The following AGPAT4 variants were observed in gnomAD, a reference collection of about 807,000 sequenced individuals.
AGPAT4 encodes the protein 1-acylglycerol-3-phosphate O-acyltransferase 4.
In AGPAT4, 15 loss-of-function variants were observed where a neutral mutation model predicts 48.0. That is an observed-to-expected ratio of 0.31 (90% confidence interval 0.21 to 0.48). The LOEUF is 0.48. Among genes scored for constraint, AGPAT4 ranks in the 20% least tolerant of loss-of-function variants. The probability of loss-of-function intolerance (pLI) is 0.99; values close to 1 mark genes in which losing one functional copy is unlikely to be tolerated. For synonymous variants in AGPAT4, 178 were observed against 198.7 expected, an observed-to-expected ratio of 0.90 and a Z score of 0.88; for missense variants, 314 against 482.5, an observed-to-expected ratio of 0.65 and a Z score of 3.27.
chr6:161,240,219 TATAC>T lies in AGPAT4; in HGVS notation c.-89-7921_-89-7918del, dbSNP rs1297404960. Among the ~76,000 whole-genome samples, 24 of 121,866 alleles carry T rather than the reference TATAC, an allele frequency of 2.0e-4. No homozygotes were observed. The highest frequency in any genetic ancestry group is 2.8e-4 in the Non-Finnish European group (17 of 59,988). 79.9% of individuals were successfully genotyped at this position (121,866 alleles called of 152,430 possible). A position where few individuals can be genotyped will look rare whatever the true frequency, so the allele number is the denominator to read the frequency against. On this transcript the variant is annotated intron_variant, in intron 1 of 8. Transcript: ENST00000320285. This position sits in a 1 kb window ranked among gnomAD's most constrained non-coding sequence, Gnocchi z 5.5. ...AACACTAACAGCAGATATCTTTGTGTATACACACACACACACACACACACACACA... is the reference window on the plus strand; with the variant it reads ...AACACTAACAGCAGATATCTTTGTGTACACACACACACACACACACACACA...
rs112215483 is a variant in AGPAT4 at position 161,141,293 on chromosome 6, T to C, written c.844-1673A>G. Among the ~76,000 whole-genome samples the C allele has an allele frequency of 7.5e-3, 1,138 of 152,122 alleles. 17 individuals are homozygous for C. Among genetic ancestry groups the C allele is most frequent in the African/African-American group, 0.026 (1,077 of 41,504 alleles). On this transcript the variant is annotated intron_variant, in intron 7 of 8. Coordinates refer to ENST00000320285, the MANE Select transcript of AGPAT4 (RefSeq NM_020133.3). This position sits in a 1 kb window ranked among gnomAD's most constrained non-coding sequence, Gnocchi z 6.7. ...GTTGGACATCAGCCAAGAGAAGCCA[T>C]GGGGGCTCTCAGGGGAAGTCACATC...
At chr6:161,237,337 G>C (rs955414445) in intron 1 of AGPAT4, among the ~76,000 whole-genome samples, 1 of 152,250 alleles carries the variant, frequency 6.6e-6, no homozygotes, top group Non-Finnish European at 1.5e-5. Flanking sequence ...CTATGAGTCT[G>C]TGTGAAAGGA....
At chr6:161,136,803 T>C (rs568399703) in intron 8 of AGPAT4, among the ~76,000 whole-genome samples, 169 bp from the exon 9 acceptor site, 1 of 152,222 alleles carries the variant, frequency 6.6e-6, no homozygotes, top group African/African-American at 2.4e-5. Context: ...CATCCTTGAG[T>C]GTGGACATCC....
chr6:161,223,067 C>G lies in AGPAT4; in HGVS notation c.178+8969G>C, dbSNP rs78974705. Among the ~76,000 whole-genome samples the G allele has an allele frequency of 8.5e-5, 13 of 152,282 alleles. No homozygotes were observed. The East Asian group carries it at 2.3e-3, about 27-fold the overall frequency. On this transcript the variant is annotated intron_variant, in intron 2 of 8. Transcript: ENST00000320285. The surrounding 1 kb of genome is among the most constrained non-coding windows in gnomAD (Gnocchi z 6.3). ...CTGCACAGGATGGCTGGGCTGTCCCCTTCCCTGCACTCCCTGTGTACCTCC... is the reference window on the plus strand; with the variant it reads ...CTGCACAGGATGGCTGGGCTGTCCCGTTCCCTGCACTCCCTGTGTACCTCC...
At chr6:161,248,311 A>G (rs1582907744) in intron 1 of AGPAT4, among the ~76,000 whole-genome samples, 1 of 152,280 alleles carries the variant, frequency 6.6e-6, no homozygotes, top group Non-Finnish European at 1.5e-5. Context: ...GCGGTGGCTC[A>G]CGCCTGTAAT....
rs539852273 is a variant in AGPAT4, at chr6:161,161,136, A to G, written c.348+5112T>C. On this transcript the variant is annotated intron_variant, in intron 3 of 8. Transcript: ENST00000320285. This position sits in a 1 kb window ranked among gnomAD's most constrained non-coding sequence, Gnocchi z 4.6. ...AGGAGGAAGCCCCAAGCTTTCAACA[A>G]CCCTGGCTTTATGAGCGGTGGGATC... The G allele has an allele frequency of 2.2e-6, 1 of 456,652 alleles. No individual in the cohort carries two copies. Among genetic ancestry groups the G allele is most frequent in the East Asian group, 7.0e-5 (1 of 14,378 alleles). 28.3% of individuals were successfully genotyped at this position (456,652 alleles called of 1,614,324 possible).
chr6:161,225,594 G>A lies in AGPAT4; in HGVS notation c.178+6442C>T, dbSNP rs753775556. Among the ~76,000 whole-genome samples, 13 of 152,146 alleles carry A rather than the reference G, an allele frequency of 8.5e-5. No individual in the cohort carries two copies. The highest frequency in any genetic ancestry group is 2.1e-4 in the South Asian group (1 of 4,818). ...AAGAAAAGAAGGAAGGTTGCTTTTC[G>A]TCAGTTTCTGGAAGCAACCCCGCTA... On this transcript the variant is annotated intron_variant, in intron 2 of 8. Transcript: ENST00000320285. This position sits in a 1 kb window ranked among gnomAD's most constrained non-coding sequence, Gnocchi z 5.0.
chr6:161,245,448 G>C lies in AGPAT4; in HGVS notation c.-89-13146C>G, dbSNP rs921024925. Among the ~76,000 whole-genome samples the C allele has an allele frequency of 6.6e-6, 1 of 152,190 alleles. No individual in the cohort carries two copies. Among genetic ancestry groups the C allele is most frequent in the Non-Finnish European group, 1.5e-5 (1 of 68,032 alleles). On this transcript the variant is annotated intron_variant, in intron 1 of 8. Transcript: ENST00000320285. This position sits in a 1 kb window ranked among gnomAD's most constrained non-coding sequence, Gnocchi z 5.2. ...ACGTGCCTTTAACCACAGTGCTTCT[G>C]ATTCATGGAAACTAACGTGGCATTA...
chr6:161,202,546 T>C lies in AGPAT4; in HGVS notation c.178+29490A>G, dbSNP rs1392329323. Among the ~76,000 whole-genome samples, 1 of 152,162 alleles carries C rather than the reference T, an allele frequency of 6.6e-6. No individual in the cohort carries two copies. The highest frequency in any genetic ancestry group is 6.5e-5 in the Admixed American group (1 of 15,278). On this transcript the variant is annotated intron_variant, in intron 2 of 8. Transcript: ENST00000320285. This position sits in a 1 kb window ranked among gnomAD's most constrained non-coding sequence, Gnocchi z 5.4. ...GAGTTAGGGAAATGGGGTTTCACTTTTTTCAGGGAAGACTGTCAAAGACAT... is the reference window on the plus strand; with the variant it reads ...GAGTTAGGGAAATGGGGTTTCACTTCTTTCAGGGAAGACTGTCAAAGACAT...
chr6:161,257,575 A>T (rs891810749), intron 1 of AGPAT4, among the ~76,000 whole-genome samples: 2 of 152,232 alleles, frequency 1.3e-5, no homozygotes, highest in African/African-American at 4.8e-5. Context: ...TATGTAAATT[A>T]TATCTTAGTA....
At chr6:161,168,551 T>C (rs1177976125) in intron 2 of AGPAT4, among the ~76,000 whole-genome samples, 2 of 151,962 alleles carry the variant, frequency 1.3e-5, no homozygotes, top group Non-Finnish European at 2.9e-5. Context: ...GCAACTGTAC[T>C]GTTTGGTTCA....
chr6:161,171,251 G>C lies in AGPAT4; in HGVS notation c.179-4834C>G, dbSNP rs946558450. Among the ~76,000 whole-genome samples the C allele has an allele frequency of 6.6e-6, 1 of 152,240 alleles. No homozygotes were observed. The highest frequency in any genetic ancestry group is 2.4e-5 in the African/African-American group (1 of 41,458). ...GAGAAGCAAAGATAAGGTATTTGCT[G>C]TTTGTCTTAGTCCATTTTATGCTGC... On this transcript the variant is annotated intron_variant, in intron 2 of 8. Coordinates refer to ENST00000320285, the MANE Select transcript of AGPAT4 (RefSeq NM_020133.3). This position sits in a 1 kb window ranked among gnomAD's most constrained non-coding sequence, Gnocchi z 4.4.
chr6:161,151,726 C>T lies in AGPAT4; in HGVS notation c.664+1620G>A, dbSNP rs1779596784. Among the ~76,000 whole-genome samples the T allele has an allele frequency of 2.6e-5, 4 of 152,358 alleles. No individual in the cohort carries two copies. In the South Asian group the frequency reaches 8.3e-4, roughly 32 times the overall value. ...AGACAAGGTCACTTGCCCAGAGTCA[C>T]ACAGCTGGTCAGCAGAGGAAACAGG... On this transcript the variant is annotated intron_variant, in intron 5 of 8. Coordinates refer to ENST00000320285, the MANE Select transcript of AGPAT4 (RefSeq NM_020133.3).
chr6:161,162,525 G>A (rs533319379), intron 3 of AGPAT4, among the ~76,000 whole-genome samples: 93 of 152,302 alleles, frequency 6.1e-4, no homozygotes, highest in Non-Finnish European at 1.3e-3. Flanking sequence ...AGCAAGCTTG[G>A]AGGCAGATCA....
Position 161,149,418 on chromosome 6 carries a change from C to T in AGPAT4, c.665-129G>A, listed in dbSNP as rs1044584454. The stretch of plus-strand genomic sequence containing the variant: ...ATCTAGAAATGGTGTGGTCAGATTT[C>T]TTTCTTTCTATATGGTCCACATGTT... On this transcript the variant is annotated intron_variant, in intron 5 of 8. Coordinates refer to ENST00000320285, the MANE Select transcript of AGPAT4 (RefSeq NM_020133.3). This position sits in a 1 kb window ranked among gnomAD's most constrained non-coding sequence, Gnocchi z 6.5. The T allele has an allele frequency of 1.3e-6, 1 of 751,762 alleles. No homozygotes were observed. Among genetic ancestry groups the T allele is most frequent in the East Asian group, 2.8e-5 (1 of 35,614 alleles). The allele number at this position is 751,762 out of a possible 1,614,324, so 46.6% of individuals were successfully genotyped here.
rs1285559090 is a variant in AGPAT4 at position 161,222,651 on chromosome 6, A to G, written c.178+9385T>C. ...AACAATGGTTCAGGTCAAGACAAAA[A>G]TAAATCTTGAAGTAAACCGATGGTC... On this transcript the variant is annotated intron_variant, in intron 2 of 8. Transcript: ENST00000320285. This position sits in a 1 kb window ranked among gnomAD's most constrained non-coding sequence, Gnocchi z 5.9. Among the ~76,000 whole-genome samples, 11 of 152,178 alleles carry G rather than the reference A, an allele frequency of 7.2e-5. No individual in the cohort carries two copies. The highest frequency in any genetic ancestry group is 2.4e-4 in the African/African-American group (10 of 41,428).
chr6:161,155,022 C>T lies in AGPAT4; in HGVS notation c.349-712G>A, dbSNP rs1292684983. On this transcript the variant is annotated intron_variant, in intron 3 of 8. Transcript: ENST00000320285. This position sits in a 1 kb window ranked among gnomAD's most constrained non-coding sequence, Gnocchi z 5.8. ...CAGGAGATGTGCTCGGTGCCCTCCACACCCGCTGCCAGCATGTCCTTGAGG... is the reference window on the plus strand; with the variant it reads ...CAGGAGATGTGCTCGGTGCCCTCCATACCCGCTGCCAGCATGTCCTTGAGG... 2.0e-5 allele frequency among the ~76,000 whole-genome samples: 3 copies of T among 152,240 alleles called. No homozygotes were observed. Among genetic ancestry groups the T allele is most frequent in the Non-Finnish European group, 2.9e-5 (2 of 68,044 alleles).
intron 2 of AGPAT4, among the ~76,000 whole-genome samples, chr6:161,168,598 G>T (rs1780176576): frequency 6.6e-6 from 1 of 152,080 alleles, no homozygotes; most frequent in Non-Finnish European, 1.5e-5. Context: ...CTCAGCAAGA[G>T]CCTGGCACAT....
intron 1 of AGPAT4, among the ~76,000 whole-genome samples, chr6:161,256,925 C>T (rs1782959084): frequency 6.6e-6 from 1 of 152,166 alleles, no homozygotes. Context: ...TCCACTTTCC[C>T]AAAAGTCAGC....
Sources: allele counts gnomAD v4.1 joint callset (sites outside exome capture counted in the v4.1 genomes callset), GRCh38; gene constraint gnomAD v4.1.1; non-coding constraint Gnocchi (gnomAD v3.1); transcripts MANE v1.5; gene names NCBI Gene and HGNC (gene_info 2026-07-23, HGNC 2026-07-21).